LRRC4C: variants seen among roughly 807,000 people sequenced by gnomAD.
LRRC4C encodes leucine rich repeat containing 4C.
In LRRC4C, 5 loss-of-function variants were observed where a neutral mutation model predicts 33.6. The ratio of observed to expected loss-of-function variants is 0.15; its 90% confidence interval spans 0.08 to 0.31. The LOEUF is 0.31. Among genes scored for constraint, LRRC4C ranks in the 10% least tolerant of loss-of-function variants. LRRC4C has a pLI of 1.00. For synonymous variants in LRRC4C, 329 were observed against 302.0 expected (o/e 1.09, Z -0.93); for missense variants, 560 against 796.7 (o/e 0.70, Z 3.58).
intron 2 of LRRC4C, among the ~76,000 whole-genome samples, chr11:40,665,281 C>G: frequency 9.5e-6 from 1 of 105,264 alleles, no homozygotes; most frequent in Admixed American, 1.1e-4. Context: ...TTGAGAAGAA[C>G]CCAAAGCCCT....
At chr11:41,287,392 T>C (rs894631989) in intron 1 of LRRC4C, among the ~76,000 whole-genome samples, 5 of 152,176 alleles carry the variant, frequency 3.3e-5, no homozygotes, top group African/African-American at 1.2e-4. Context: ...GTCTAGAATT[T>C]GACTCAAGTA....
At chr11:40,647,828 C>T (rs972408142) in intron 3 of LRRC4C, among the ~76,000 whole-genome samples, 4 of 152,136 alleles carry the variant, frequency 2.6e-5, no homozygotes, top group African/African-American at 7.2e-5. Flanking sequence ...CCTGGGGTAG[C>T]GCTCAGAAAC....
intron 1 of LRRC4C, among the ~76,000 whole-genome samples, chr11:41,115,575 C>A (rs1049739374): frequency 6.6e-6 from 1 of 151,844 alleles, no homozygotes; most frequent in Non-Finnish European, 1.5e-5. Context: ...TGTTCATTTG[C>A]GATGGGAAAA....
intron 2 of LRRC4C, among the ~76,000 whole-genome samples, chr11:40,737,847 C>T (rs1250941026): frequency 3.3e-5 from 5 of 152,064 alleles, no homozygotes; most frequent in Non-Finnish European, 2.9e-5. Flanking sequence ...CATTGACTTT[C>T]TTCACGGAAT....
At chr11:41,021,293 TAA>T (rs58754144) in intron 1 of LRRC4C, among the ~76,000 whole-genome samples, 106,308 of 144,772 alleles carry the variant, frequency 0.73, 38,822 homozygotes, top group South Asian at 0.79. Context: ...CTCCAAGAAA[TAA>T]AAAAAAAAAA....
At chr11:40,989,240 C>T (rs1452915423) in intron 1 of LRRC4C, among the ~76,000 whole-genome samples, 1 of 152,108 alleles carries the variant, frequency 6.6e-6, no homozygotes, top group Non-Finnish European at 1.5e-5. Flanking sequence ...ATATGCATTG[C>T]TCATTAGACA....
chr11:41,406,565 A>G (rs976776578), intron 1 of LRRC4C, among the ~76,000 whole-genome samples: 7 of 152,058 alleles, frequency 4.6e-5, no homozygotes, highest in Non-Finnish European at 8.8e-5. Flanking sequence ...ATCACTCTGC[A>G]CAGTACATAT....
chr11:40,623,920 T>C (rs1962694552), intron 3 of LRRC4C, among the ~76,000 whole-genome samples: 1 of 152,164 alleles, frequency 6.6e-6, no homozygotes, highest in Non-Finnish European at 1.5e-5. Flanking sequence ...AAACAATGCT[T>C]CAAAATAGTA....
Position 41,094,065 on chromosome 11 carries a change from C to T in LRRC4C, c.-495-160342G>A, listed in dbSNP as rs545856364. Among the ~76,000 whole-genome samples, 27 of 150,574 alleles carry T rather than the reference C, an allele frequency of 1.8e-4. No individual in the cohort carries two copies. In the East Asian group the frequency reaches 3.4e-3, roughly 19 times the overall value. ...CGGAGGTTGCAGTGAGCGGTGATCACGAGATCACACCACTGCACTCCAGCC... is the reference window on the plus strand; with the variant it reads ...CGGAGGTTGCAGTGAGCGGTGATCATGAGATCACACCACTGCACTCCAGCC... On this transcript the variant is annotated intron_variant, in intron 1 of 6. Transcript: ENST00000528697.
At chr11:40,444,317 AT>A (rs5791381) in intron 3 of LRRC4C, among the ~76,000 whole-genome samples, 3 of 148,088 alleles carry the variant, frequency 2.0e-5, no homozygotes, top group African/African-American at 4.9e-5. Flanking sequence ...CTGCCTTAAC[AT>A]TTTTTTTAAT....
At chr11:41,433,886 A>C (rs181549337) in intron 1 of LRRC4C, among the ~76,000 whole-genome samples, 1 of 151,912 alleles carries the variant, frequency 6.6e-6, no homozygotes, top group East Asian at 1.9e-4. Flanking sequence ...AGAGCACTCT[A>C]ATACAGTTAT....
chr11:41,326,254 T>C (rs1045558210), intron 1 of LRRC4C, among the ~76,000 whole-genome samples: 4 of 152,142 alleles, frequency 2.6e-5, no homozygotes, highest in Admixed American at 6.5e-5. Context: ...CCCTTGAACA[T>C]TGGGCTCGAA....
At chr11:40,640,176 C>G (rs1361114901) in intron 3 of LRRC4C, among the ~76,000 whole-genome samples, 3 of 152,252 alleles carry the variant, frequency 2.0e-5, no homozygotes, top group South Asian at 2.1e-4. Flanking sequence ...GTGGCTGCCA[C>G]TCTTTTACAC....
chr11:41,399,918 T>A (rs182707614), intron 1 of LRRC4C, among the ~76,000 whole-genome samples: 36 of 151,878 alleles, frequency 2.4e-4, no homozygotes, highest in Non-Finnish European at 3.5e-4. Context: ...ATAAGAAAAA[T>A]TAGATTCAGA....
At chr11:40,957,402 T>G (rs1959004833) in intron 1 of LRRC4C, among the ~76,000 whole-genome samples, 1 of 151,720 alleles carries the variant, frequency 6.6e-6, no homozygotes, top group Non-Finnish European at 1.5e-5. Context: ...TCAGGACACT[T>G]TAAGCCATGT....
intron 2 of LRRC4C, among the ~76,000 whole-genome samples, chr11:40,795,591 A>G (rs1207081758): frequency 6.6e-6 from 1 of 152,170 alleles, no homozygotes; most frequent in African/African-American, 2.4e-5. Context: ...AACGGTAATT[A>G]TGCAGAAAGG....
intron 2 of LRRC4C, among the ~76,000 whole-genome samples, chr11:40,878,592 G>T (rs1955025602): frequency 6.6e-6 from 1 of 152,122 alleles, no homozygotes; most frequent in Admixed American, 6.5e-5. Flanking sequence ...AATGGGGAGT[G>T]GCTATAAATA....
chr11:41,400,478 T>C (rs1339654208), intron 1 of LRRC4C, among the ~76,000 whole-genome samples: 2 of 151,852 alleles, frequency 1.3e-5, no homozygotes, highest in Non-Finnish European at 2.9e-5. Context: ...TCTTCCTGTG[T>C]CCCTGCTTCC....
At chr11:41,163,638 G>A (rs905164074) in intron 1 of LRRC4C, among the ~76,000 whole-genome samples, 1 of 150,368 alleles carries the variant, frequency 6.7e-6, no homozygotes, top group African/African-American at 2.5e-5. Context: ...TTGAAACAGA[G>A]TCTCTCTCTG....
Sources: gnomAD v4.1 joint callset for allele counts (sites outside exome capture counted in the v4.1 genomes callset) on GRCh38, gnomAD v4.1.1 for gene constraint, MANE v1.5 for transcripts, NCBI Gene and HGNC (gene_info 2026-07-23, HGNC 2026-07-21) for gene names.